Variants in SYTL3 observed in about 807,000 individuals in gnomAD.
The protein encoded by SYTL3 is synaptotagmin like 3.
In SYTL3, 88 loss-of-function variants were observed where a neutral mutation model predicts 82.1. The observed-to-expected ratio is 1.07, with a 90% CI of 0.90 to 1.28. SYTL3 has a LOEUF of 1.28. SYTL3 is among the 50% of genes most tolerant of loss of function. The probability of loss-of-function intolerance (pLI) is 0.00; values close to 1 mark genes in which losing one functional copy is unlikely to be tolerated. For synonymous variants in SYTL3, 311 were observed against 289.4 expected, an observed-to-expected ratio of 1.07 and a Z score of -0.76; for missense variants, 831 against 757.6, an observed-to-expected ratio of 1.10 and a Z score of -1.14.
intron 5 of SYTL3, among the ~76,000 whole-genome samples, chr6:158,675,348 A>C (rs541519038): frequency 6.6e-6 from 1 of 152,140 alleles, no homozygotes; most frequent in Non-Finnish European, 1.5e-5. Flanking sequence ...CTTGATAAAA[A>C]CCCTTTCTTT....
At chr6:158,693,586 T>C (rs1016806151) in intron 6 of SYTL3, among the ~76,000 whole-genome samples, 4 of 152,190 alleles carry the variant, frequency 2.6e-5, no homozygotes, top group African/African-American at 4.8e-5. Flanking sequence ...GGTTTCACCA[T>C]GTTGGCCAAG....
chr6:158,682,511 C>T (rs1445036630), intron 5 of SYTL3, among the ~76,000 whole-genome samples: 1 of 151,958 alleles, frequency 6.6e-6, no homozygotes, highest in Non-Finnish European at 1.5e-5. Context: ...AGGTGCCCGC[C>T]ACCATGCCTG....
chr6:158,723,835 TTTGA>T (rs1448875974), intron 10 of SYTL3, among the ~76,000 whole-genome samples: 13 of 152,342 alleles, frequency 8.5e-5, no homozygotes, highest in Middle Eastern at 3.4e-3. Flanking sequence ...CCGCTGTAGC[TTTGA>T]TTGACACTTC....
chr6:158,659,555 A>G (rs1393337415), intron 2 of SYTL3, among the ~76,000 whole-genome samples: 4 of 152,098 alleles, frequency 2.6e-5, no homozygotes, highest in African/African-American at 9.7e-5. Flanking sequence ...GGGTTTCACC[A>G]TGTTGGTCAG....
intron 8 of SYTL3, among the ~76,000 whole-genome samples, chr6:158,713,050 G>T (rs1006643126): frequency 1.3e-5 from 2 of 152,080 alleles, no homozygotes; most frequent in South Asian, 4.1e-4. Context: ...GTGAGCCACC[G>T]CGCCTGGCCT....
At chr6:158,760,840 A>G (rs1789819726) in intron 15 of SYTL3, 95 bp downstream of exon 15, 1 of 1,009,676 alleles carries the variant, frequency 9.9e-7, no homozygotes, top group Non-Finnish European at 1.5e-6. Context: ...GTTTTCTAGC[A>G]TTTCCTTTCT....
In SYTL3 at chr6:158,671,662, G is replaced by A. The variant is rs1777392331; in HGVS notation, c.329+6049G>A. On this transcript the variant is annotated intron_variant, in intron 5 of 17. Transcript: ENST00000611299. ...CCCCTGTAATCCCAGCTACTCTGGA[G>A]GAGGCTGAGGCAGGAGAATCTCTGG... Among the ~76,000 whole-genome samples, 3 of 151,778 alleles carry A rather than the reference G, an allele frequency of 2.0e-5. No homozygotes were observed. In the South Asian group the frequency reaches 6.2e-4, roughly 32 times the overall value.
intron 11 of SYTL3, among the ~76,000 whole-genome samples, chr6:158,744,872 C>CCTAGA: frequency 6.6e-6 from 1 of 152,162 alleles, no homozygotes; most frequent in Admixed American, 6.5e-5. Context: ...CTTGGAGTAC[C>CCTAGA]CTAGACTGTG....
chr6:158,726,830 G>C (rs1263619848), intron 11 of SYTL3: 1 of 153,444 alleles, frequency 6.5e-6, no homozygotes, highest in Non-Finnish European at 1.4e-5. Flanking sequence ...TGTTAACATC[G>C]TGTTCCTAGG....
chr6:158,764,601 C>G lies in SYTL3; in HGVS notation c.1830C>G (p.His610Gln). The G allele has an allele frequency of 6.2e-7, 1 of 1,611,344 alleles. No homozygotes were observed. The highest frequency in any genetic ancestry group is 8.5e-7 in the Non-Finnish European group (1 of 1,177,458). The change falls in exon 18 of 18, where the codon CAC (histidine) becomes CAG (glutamine). Residue 610 changes from histidine (H) to glutamine (Q), a missense_variant. His to Gln is a conservative substitution (Grantham distance 24). Transcript: ENST00000611299. ...GGACAGACATGACTCTTGTCCTGCA[C>G]TGACATGAAGGCCTCAAGGTTCCAG... ...NLWTDMTLVL[H>Q]
intron 11 of SYTL3, among the ~76,000 whole-genome samples, chr6:158,730,062 G>A (rs1327677373): frequency 6.6e-6 from 1 of 152,152 alleles, no homozygotes; most frequent in Non-Finnish European, 1.5e-5. Flanking sequence ...CAAGATATTT[G>A]TGCTGAATAT....
At chr6:158,675,564 A>G (rs1377930760) in intron 5 of SYTL3, among the ~76,000 whole-genome samples, 1 of 152,170 alleles carries the variant, frequency 6.6e-6, no homozygotes, top group Non-Finnish European at 1.5e-5. Context: ...TTATAATCCC[A>G]GCACTTTGGG....
intron 11 of SYTL3, among the ~76,000 whole-genome samples, chr6:158,742,764 A>G (rs1253614393): frequency 1.3e-5 from 2 of 151,838 alleles, no homozygotes; most frequent in Non-Finnish European, 2.9e-5. Context: ...TATTTTTAGT[A>G]GATATGGGGT....
At chr6:158,764,305 C>T (rs151310835) in intron 17 of SYTL3, among the ~76,000 whole-genome samples, 190 bp from the exon 18 acceptor site, 3 of 152,284 alleles carry the variant, frequency 2.0e-5, no homozygotes, top group Non-Finnish European at 2.9e-5. Flanking sequence ...AGGATGCCTG[C>T]GTGAATCCCA....
At chr6:158,737,976 C>T (rs1786439847) in intron 11 of SYTL3, among the ~76,000 whole-genome samples, 1 of 152,200 alleles carries the variant, frequency 6.6e-6, no homozygotes, top group Non-Finnish European at 1.5e-5. Context: ...CCTTGACCTT[C>T]GTTTATCTAC....
At chr6:158,666,563 C>T (rs962237581) in intron 5 of SYTL3, among the ~76,000 whole-genome samples, 3 of 152,140 alleles carry the variant, frequency 2.0e-5, no homozygotes, top group African/African-American at 7.2e-5. Flanking sequence ...CACAGAACTT[C>T]GGAGAAGGGA....
At chr6:158,739,890 C>T (rs1418831437) in intron 11 of SYTL3, among the ~76,000 whole-genome samples, 2 of 152,148 alleles carry the variant, frequency 1.3e-5, no homozygotes, top group East Asian at 3.9e-4. Context: ...TTTCCATTGA[C>T]CCATCTTCCA....
At position 158,764,677 on chromosome 6, in the gene SYTL3, G is replaced by GGGACCC; in HGVS notation, c.*73_*74insGGACCC. The GGGACCC allele has an allele frequency of 9.0e-7, 1 of 1,106,204 alleles. No individual in the cohort carries two copies. Among genetic ancestry groups the GGGACCC allele is most frequent in the Non-Finnish European group, 1.4e-6 (1 of 723,168 alleles). The allele number at this position is 1,106,204 out of a possible 1,614,324, so 68.5% of individuals were successfully genotyped here. On this transcript the variant is annotated 3_prime_UTR_variant, in exon 18 of 18. Coordinates refer to ENST00000611299, the MANE Select transcript of SYTL3 (RefSeq NM_001242394.2). ...CGTCTGCAGAGGGGCTACGAACCAG[G>GGGACCC]TGCAGGGTCCCAGCTGGAGACCCCT...
chr6:158,728,866 A>G (rs1306416589), intron 11 of SYTL3, among the ~76,000 whole-genome samples: 1 of 152,068 alleles, frequency 6.6e-6, no homozygotes, highest in Non-Finnish European at 1.5e-5. Context: ...TATTAAAAAA[A>G]TATAAATAAA....
Sources: gnomAD v4.1 joint callset for allele counts (sites outside exome capture counted in the v4.1 genomes callset) on GRCh38, gnomAD v4.1.1 for gene constraint, MANE v1.5 for transcripts, NCBI Gene and HGNC (gene_info 2026-07-23, HGNC 2026-07-21) for gene names.